The following CNTN6 variants were observed in gnomAD, a reference collection of about 807,000 sequenced individuals.
CNTN6 encodes contactin-6.
CNTN6 carries 137 observed loss-of-function variants against 122.8 expected under a neutral mutation model. The ratio of observed to expected loss-of-function variants is 1.12; its 90% CI spans 0.97 to 1.29. CNTN6 has a LOEUF of 1.29. Among genes scored for constraint, CNTN6 ranks in the 50% most tolerant of loss-of-function variants. The pLI, the probability that CNTN6 is intolerant of heterozygous loss-of-function variation, is 0.00. For synonymous variants in CNTN6, 570 were observed against 426.0 expected (o/e 1.34, Z -4.16); for missense variants, 1,634 against 1,223.4 (o/e 1.34, Z -5.01).
At chr3:1,257,442 T>C (rs1192665056) in intron 4 of CNTN6, among the ~76,000 whole-genome samples, 1 of 152,100 alleles carries the variant, frequency 6.6e-6, no homozygotes, top group Non-Finnish European at 1.5e-5. Flanking sequence ...GTAAAAACTA[T>C]TTTTGGTCAG....
intron 2 of CNTN6, among the ~76,000 whole-genome samples, chr3:1,188,324 C>A (rs912650932): frequency 5.3e-5 from 8 of 152,144 alleles, no homozygotes; most frequent in African/African-American, 1.7e-4. Flanking sequence ...CCTCTTATAA[C>A]CCTGTCCCCC....
At chr3:1,403,256 A>C (rs1695959896) in intron 22 of CNTN6, 62 bp from the exon 23 acceptor site, 1 of 1,106,152 alleles carries the variant, frequency 9.0e-7, no homozygotes, top group African/African-American at 1.6e-5. Flanking sequence ...GGTTTTGAAA[A>C]ATTAATCTAA....
intron 2 of CNTN6, chr3:1,173,218 G>C (rs2093391260): frequency 6.6e-6 from 3 of 456,504 alleles, no homozygotes; most frequent in Non-Finnish European, 8.8e-6. Context: ...GTTTATATCA[G>C]TCCAATTCTG....
chr3:1,106,636 C>T (rs2091237927), intron 1 of CNTN6, among the ~76,000 whole-genome samples: 1 of 151,990 alleles, frequency 6.6e-6, no homozygotes, highest in Non-Finnish European at 1.5e-5. Context: ...TTAGAATAAT[C>T]ACCTTTATAA....
intron 1 of CNTN6, among the ~76,000 whole-genome samples, chr3:1,144,161 T>C (rs544803736): frequency 1.3e-5 from 2 of 152,278 alleles, no homozygotes; most frequent in East Asian, 3.9e-4. Context: ...GTGTTTATCG[T>C]CAAGGTAAAA....
chr3:1,286,079 A>G (rs1167618158), intron 5 of CNTN6, among the ~76,000 whole-genome samples: 1 of 152,212 alleles, frequency 6.6e-6, no homozygotes, highest in Non-Finnish European at 1.5e-5. Flanking sequence ...TTTCCAGCAC[A>G]TCAAACAGAA....
intron 2 of CNTN6, among the ~76,000 whole-genome samples, chr3:1,208,284 T>A (rs926618378): frequency 7.9e-5 from 12 of 151,978 alleles, no homozygotes; most frequent in African/African-American, 2.9e-4. Context: ...AATCTGCCAT[T>A]CCATCTTTTT....
intron 17 of CNTN6, 144 bp downstream of exon 17, chr3:1,377,219 A>G (rs1710003228): frequency 1.9e-6 from 1 of 533,522 alleles, no homozygotes; most frequent in South Asian, 3.5e-5. Flanking sequence ...ATGATGAATT[A>G]TTTAGAGGAG....
At chr3:1,160,262 T>G (rs1029464069) in intron 2 of CNTN6, among the ~76,000 whole-genome samples, 3 of 150,868 alleles carry the variant, frequency 2.0e-5, no homozygotes, top group Non-Finnish European at 4.4e-5. Flanking sequence ...CATGGCTGGA[T>G]CCCAGAAGCC....
chr3:1,132,745 AAAGAATTTCACTTCTTTCCCTCTTCTAG>A (rs2092372662), intron 1 of CNTN6, among the ~76,000 whole-genome samples: 1 of 152,090 alleles, frequency 6.6e-6, no homozygotes, highest in Non-Finnish European at 1.5e-5. Context: ...TTTACTGCAC[AAAGAATTTCACTTCTTTCCCTCTTCTAG>A]AGTGTTTGAA....
intron 7 of CNTN6, among the ~76,000 whole-genome samples, chr3:1,310,543 T>C (rs1699063217): frequency 6.6e-6 from 1 of 152,218 alleles, no homozygotes; most frequent in Non-Finnish European, 1.5e-5. Flanking sequence ...TTTTTCCATT[T>C]GTATTAATGA....
chr3:1,238,683 C>G (rs906420718), intron 4 of CNTN6, among the ~76,000 whole-genome samples: 3 of 152,148 alleles, frequency 2.0e-5, no homozygotes, highest in South Asian at 4.1e-4. Flanking sequence ...ATAGACCATA[C>G]GATAGGCCAC....
intron 2 of CNTN6, among the ~76,000 whole-genome samples, chr3:1,206,155 T>C (rs750008121): frequency 1.3e-5 from 2 of 152,178 alleles, no homozygotes; most frequent in Non-Finnish European, 2.9e-5. Flanking sequence ...TTTCCTGATA[T>C]GTCCTATCAC....
intron 1 of CNTN6, among the ~76,000 whole-genome samples, chr3:1,112,000 T>C (rs192596665): frequency 1.3e-5 from 2 of 152,152 alleles, no homozygotes; most frequent in African/African-American, 4.8e-5. Context: ...AATGGAACTA[T>C]TATGTAGTTA....
chr3:1,170,521 T>C (rs1034111347), intron 2 of CNTN6, among the ~76,000 whole-genome samples: 5 of 152,114 alleles, frequency 3.3e-5, no homozygotes, highest in African/African-American at 1.2e-4. Flanking sequence ...AGAACTGATA[T>C]CCCAGGAAGA....
intron 2 of CNTN6, among the ~76,000 whole-genome samples, chr3:1,193,517 G>A (rs2220504): frequency 0.53 from 80,196 of 151,920 alleles, 23,803 homozygotes; most frequent in East Asian, 0.85. Flanking sequence ...AAATGCTTAC[G>A]TGATAACTAC....
chr3:1,239,665 A>C (rs1321139033), intron 4 of CNTN6, among the ~76,000 whole-genome samples: 1 of 152,166 alleles, frequency 6.6e-6, no homozygotes. Context: ...CAGAACTAGC[A>C]AAAACAATCC....
intron 4 of CNTN6, among the ~76,000 whole-genome samples, chr3:1,270,640 A>T (rs565325537): frequency 1.3e-5 from 2 of 152,350 alleles, no homozygotes; most frequent in East Asian, 3.9e-4. Flanking sequence ...TTCAGTGCTA[A>T]AACTTCTTCA....
At chr3:1,252,196 G>A (rs989887409) in intron 4 of CNTN6, among the ~76,000 whole-genome samples, 7 of 152,054 alleles carry the variant, frequency 4.6e-5, no homozygotes, top group Non-Finnish European at 1.0e-4. Flanking sequence ...TTTAAAATCT[G>A]CCAACAATCA....
Sources: gnomAD v4.1 joint callset for allele counts (sites outside exome capture counted in the v4.1 genomes callset) on GRCh38, gnomAD v4.1.1 for gene constraint, MANE v1.5 for transcripts, NCBI Gene and HGNC (gene_info 2026-07-23, HGNC 2026-07-21) for gene names.